The following DSCAM variants were observed in gnomAD, a reference collection of about 807,000 sequenced individuals.
DSCAM encodes the protein cell adhesion molecule DSCAM.
Under a neutral mutation model 217.7 loss-of-function variants are expected in DSCAM, and 47 were observed. That is an observed-to-expected ratio of 0.22 (90% CI 0.17 to 0.28). The LOEUF (loss-of-function observed/expected upper bound fraction) is 0.28, where lower values mean the gene tolerates loss of function less well. Among genes scored for constraint, DSCAM ranks in the 10% least tolerant of loss-of-function variants. The pLI is 1.00. For synonymous variants in DSCAM, 1,056 were observed against 1,015.3 expected, an observed-to-expected ratio of 1.04 and a Z score of -0.76; for missense variants, 2,080 against 2,618.3, an observed-to-expected ratio of 0.79 and a Z score of 4.49.
intron 3 of DSCAM, among the ~76,000 whole-genome samples, chr21:40,465,841 C>G (rs966148859): frequency 6.6e-6 from 1 of 151,848 alleles, no homozygotes; most frequent in Non-Finnish European, 1.5e-5. Flanking sequence ...AACAATGACC[C>G]CTTGTTCTGA....
intron 20 of DSCAM, among the ~76,000 whole-genome samples, chr21:40,121,378 T>A (rs1000135303): frequency 3.3e-5 from 5 of 152,226 alleles, no homozygotes; most frequent in Non-Finnish European, 5.9e-5. Flanking sequence ...TCACTGATAC[T>A]ATTTGATGTA....
chr21:40,380,033 T>C (rs1280442885), intron 3 of DSCAM, among the ~76,000 whole-genome samples: 1 of 152,140 alleles, frequency 6.6e-6, no homozygotes, highest in Non-Finnish European at 1.5e-5. Flanking sequence ...TAAGGAGAGA[T>C]TTGGTGTACA....
chr21:40,707,058 T>C (rs1322967886), intron 2 of DSCAM, among the ~76,000 whole-genome samples: 3 of 152,234 alleles, frequency 2.0e-5, no homozygotes, highest in African/African-American at 7.2e-5. Flanking sequence ...ATGAATTCTA[T>C]GACTAATTTA....
At chr21:40,159,065 A>G (rs2146754473) in intron 16 of DSCAM, among the ~76,000 whole-genome samples, 1 of 152,338 alleles carries the variant, frequency 6.6e-6, no homozygotes, top group South Asian at 2.1e-4. Flanking sequence ...TCTGGAAAAT[A>G]GCTGTGCCCT....
At chr21:40,360,471 C>T (rs1257010806) in intron 4 of DSCAM, among the ~76,000 whole-genome samples, 1 of 151,890 alleles carries the variant, frequency 6.6e-6, no homozygotes, top group Non-Finnish European at 1.5e-5. Flanking sequence ...TCTCTGCCTT[C>T]CACAGTCTAG....
intron 3 of DSCAM, among the ~76,000 whole-genome samples, chr21:40,453,498 A>T (rs2075738779): frequency 6.6e-6 from 1 of 152,206 alleles, no homozygotes; most frequent in East Asian, 1.9e-4. Flanking sequence ...CATTTGCAAA[A>T]CATCCCAGAA....
chr21:40,753,418 A>G (rs2091247070), intron 1 of DSCAM, among the ~76,000 whole-genome samples: 1 of 152,262 alleles, frequency 6.6e-6, no homozygotes, highest in Non-Finnish European at 1.5e-5. Context: ...ATGAAGAAAC[A>G]TTTAGTATGG....
chr21:40,226,920 G>C (rs446406), intron 11 of DSCAM, among the ~76,000 whole-genome samples: 1 of 151,940 alleles, frequency 6.6e-6, no homozygotes, highest in Non-Finnish European at 1.5e-5. Flanking sequence ...CCTCCAAAAG[G>C]CTCCAGTGTG....
chr21:40,359,878 G>A (rs9636969), intron 4 of DSCAM, among the ~76,000 whole-genome samples: 101 of 152,230 alleles, frequency 6.6e-4, no homozygotes, highest in African/African-American at 2.3e-3. Flanking sequence ...ATTGTGGCAC[G>A]ACTCCATGCA....
At chr21:40,826,875 G>A (rs1424519158) in intron 1 of DSCAM, among the ~76,000 whole-genome samples, 2 of 152,152 alleles carry the variant, frequency 1.3e-5, no homozygotes, top group Non-Finnish European at 2.9e-5. Context: ...CTGGATTTGA[G>A]CTCAGAGAAG....
intron 3 of DSCAM, among the ~76,000 whole-genome samples, chr21:40,671,692 CAAAA>C (rs71330402): frequency 3.3e-4 from 36 of 108,958 alleles, no homozygotes; most frequent in African/African-American, 1.1e-3. Flanking sequence ...ATTCCTTAAA[CAAAA>C]AAAAAAAAAA....
chr21:40,805,723 T>C (rs112059988), intron 1 of DSCAM, among the ~76,000 whole-genome samples: 70,433 of 151,558 alleles, frequency 0.46, 18,434 homozygotes, highest in South Asian at 0.66. Flanking sequence ...TTTTCTTTTT[T>C]TTTTTAATGG....
intron 11 of DSCAM, among the ~76,000 whole-genome samples, chr21:40,274,277 C>T (rs200128477): frequency 6.6e-6 from 1 of 152,098 alleles, no homozygotes; most frequent in East Asian, 1.9e-4. Context: ...TTCCTTAATT[C>T]CCCCAAGCTG....
In DSCAM at chr21:40,144,424, CCCCGGGGCAGA is replaced by C; in HGVS notation, c.3259+56_3259+66del. The C allele has an allele frequency of 2.5e-6, 4 of 1,591,246 alleles. No homozygotes were observed. Among genetic ancestry groups the C allele is most frequent in the Non-Finnish European group, 3.4e-6 (4 of 1,167,198 alleles). On this transcript the variant is annotated intron_variant, in intron 17 of 32. Coordinates refer to ENST00000400454, the MANE Select transcript of DSCAM (RefSeq NM_001389.5). The surrounding 1 kb of genome is among the most constrained non-coding windows in gnomAD (Gnocchi z 4.8). ...GCGGGGGAGTGCGAGGTTGGGGGAG[CCCCGGGGCAGA>C]CCCGAGGGAACCTTTGCGGAGGGAA...
chr21:40,299,738 C>G (rs533378072), intron 9 of DSCAM, among the ~76,000 whole-genome samples: 2 of 152,042 alleles, frequency 1.3e-5, no homozygotes, highest in South Asian at 4.2e-4. Context: ...CTCATATGCT[C>G]TAAGCATATG....
chr21:40,325,734 A>G (rs953471728), intron 8 of DSCAM, among the ~76,000 whole-genome samples: 1 of 152,214 alleles, frequency 6.6e-6, no homozygotes, highest in Non-Finnish European at 1.5e-5. Flanking sequence ...GAGCTCCTTT[A>G]CATCAATCAG....
intron 19 of DSCAM, among the ~76,000 whole-genome samples, chr21:40,128,699 C>CAAAAA (rs527919207): frequency 6.6e-4 from 59 of 88,728 alleles, no homozygotes; most frequent in Non-Finnish European, 5.3e-4. Context: ...CATAACCAAA[C>CAAAAA]AAAAAAAAAA....
intron 19 of DSCAM, among the ~76,000 whole-genome samples, chr21:40,124,712 G>A (rs1463791759): frequency 6.6e-6 from 1 of 152,124 alleles, no homozygotes. Flanking sequence ...CAGGACAGAT[G>A]CTTGTCTCAA....
intron 24 of DSCAM, among the ~76,000 whole-genome samples, 177 bp from the exon 25 acceptor site, chr21:40,080,517 C>A (rs972356156): frequency 6.6e-6 from 1 of 152,116 alleles, no homozygotes; most frequent in South Asian, 2.1e-4. Context: ...GGGAGAAGCA[C>A]CATGATGTAT....
Sources: allele counts gnomAD v4.1 joint callset (sites outside exome capture counted in the v4.1 genomes callset), GRCh38; gene constraint gnomAD v4.1.1; non-coding constraint Gnocchi (gnomAD v3.1); transcripts MANE v1.5; gene names NCBI Gene and HGNC (gene_info 2026-07-23, HGNC 2026-07-21).